Variants in NELL1 observed in about 807,000 individuals in gnomAD.
NELL1 encodes the protein neural EGFL like 1, also known as protein kinase C-binding protein NELL1.
NELL1 carries 76 observed loss-of-function variants against 107.4 expected under a neutral mutation model. The observed-to-expected ratio is 0.71, with a 90% confidence interval of 0.59 to 0.86. The LOEUF (loss-of-function observed/expected upper bound fraction) is 0.86. Ranked by LOEUF, NELL1 falls within the 40% of genes least tolerant of loss-of-function variation. The pLI, the probability that NELL1 is intolerant of heterozygous loss-of-function variation, is 0.00. For synonymous variants in NELL1, 353 were observed against 341.2 expected (o/e 1.03, Z -0.38); for missense variants, 1,024 against 1,005.5 (o/e 1.02, Z -0.25).
chr11:20,782,267 A>C (rs923258587), intron 2 of NELL1, among the ~76,000 whole-genome samples: 1 of 152,162 alleles, frequency 6.6e-6, no homozygotes, highest in African/African-American at 2.4e-5. Context: ...TTAAGTAGCG[A>C]AGGCCTTGCT....
At chr11:21,464,281 A>G (rs781757469) in intron 15 of NELL1, among the ~76,000 whole-genome samples, 25 of 152,042 alleles carry the variant, frequency 1.6e-4, no homozygotes, top group Non-Finnish European at 3.2e-4. Context: ...ATTTACTAAC[A>G]CATTTCACAA....
At chr11:20,707,513 G>C (rs191897285) in intron 2 of NELL1, among the ~76,000 whole-genome samples, 26 of 152,280 alleles carry the variant, frequency 1.7e-4, no homozygotes, top group Non-Finnish European at 2.8e-4. Context: ...ATCTACCTTT[G>C]GTCTTTGATG....
At chr11:21,541,970 G>T in intron 16 of NELL1, among the ~76,000 whole-genome samples, 1 of 152,064 alleles carries the variant, frequency 6.6e-6, no homozygotes, top group East Asian at 1.9e-4. Context: ...ATTTACAAAA[G>T]CATCAACCTC....
intron 16 of NELL1, among the ~76,000 whole-genome samples, chr11:21,544,871 CT>C (rs1856394975): frequency 6.6e-6 from 1 of 151,660 alleles, no homozygotes; most frequent in Non-Finnish European, 1.5e-5. Context: ...GAATAATGAG[CT>C]GTTTCAGATG....
chr11:21,108,260 G>A (rs1855017298), intron 12 of NELL1, among the ~76,000 whole-genome samples: 1 of 152,050 alleles, frequency 6.6e-6, no homozygotes, highest in East Asian at 1.9e-4. Flanking sequence ...CGGTTACCCA[G>A]GCCCTGCCTT....
At chr11:21,108,291 C>T (rs1855018288) in intron 12 of NELL1, among the ~76,000 whole-genome samples, 1 of 152,100 alleles carries the variant, frequency 6.6e-6, no homozygotes, top group South Asian at 2.1e-4. Flanking sequence ...GATGATGATG[C>T]CAAATTTGAG....
intron 4 of NELL1, among the ~76,000 whole-genome samples, chr11:20,848,283 C>T (rs1009279695): frequency 3.3e-5 from 5 of 152,168 alleles, no homozygotes; most frequent in Admixed American, 1.3e-4. Context: ...GGTATTTTCT[C>T]CAGAGGAATG....
intron 2 of NELL1, among the ~76,000 whole-genome samples, chr11:20,701,204 A>G (rs1282722936): frequency 6.6e-6 from 1 of 152,108 alleles, no homozygotes; most frequent in Non-Finnish European, 1.5e-5. Context: ...TGCCATTCTA[A>G]CTGGTGTGAG....
chr11:21,240,698 A>G (rs1465012070), intron 14 of NELL1, among the ~76,000 whole-genome samples: 1 of 143,898 alleles, frequency 6.9e-6, no homozygotes, highest in Non-Finnish European at 1.5e-5. Flanking sequence ...CTTTTGGCTT[A>G]ACAAGGTGCA....
intron 12 of NELL1, among the ~76,000 whole-genome samples, chr11:21,100,130 C>T (rs1408746478): frequency 6.6e-6 from 1 of 151,960 alleles, no homozygotes; most frequent in Non-Finnish European, 1.5e-5. Context: ...GATTCTCATG[C>T]CTCAGACTCC....
At chr11:21,241,809 A>G (rs1417854024) in intron 14 of NELL1, among the ~76,000 whole-genome samples, 1 of 151,928 alleles carries the variant, frequency 6.6e-6, no homozygotes, top group Non-Finnish European at 1.5e-5. Flanking sequence ...TTTCTGCAAT[A>G]AAGTTAGATA....
intron 2 of NELL1, among the ~76,000 whole-genome samples, chr11:20,752,998 T>C (rs1157613669): frequency 1.3e-5 from 2 of 152,228 alleles, no homozygotes; most frequent in African/African-American, 4.8e-5. Context: ...CTTATTTGAT[T>C]CAATTTTTCC....
At chr11:21,173,198 C>T (rs1267835224) in intron 13 of NELL1, among the ~76,000 whole-genome samples, 2 of 151,734 alleles carry the variant, frequency 1.3e-5, no homozygotes, top group Non-Finnish European at 2.9e-5. Context: ...ACACACACTG[C>T]TCCAGGCATC....
intron 2 of NELL1, among the ~76,000 whole-genome samples, chr11:20,740,283 G>A (rs923561801): frequency 6.6e-6 from 1 of 152,112 alleles, no homozygotes; most frequent in Non-Finnish European, 1.5e-5. Context: ...GCACTTTACT[G>A]TCACTCCTCA....
At chr11:21,522,726 A>T (rs1379427874) in intron 15 of NELL1, among the ~76,000 whole-genome samples, 1 of 152,104 alleles carries the variant, frequency 6.6e-6, no homozygotes, top group African/African-American at 2.4e-5. Context: ...AAAATTTTCA[A>T]ATCTATATAT....
At chr11:21,356,528 G>T (rs1179978090) in intron 14 of NELL1, among the ~76,000 whole-genome samples, 1 of 152,152 alleles carries the variant, frequency 6.6e-6, no homozygotes, top group Non-Finnish European at 1.5e-5. Flanking sequence ...AATATCTCCT[G>T]CAAATGGGGG....
chr11:21,333,638 G>A (rs138221703), intron 14 of NELL1, among the ~76,000 whole-genome samples: 79 of 152,070 alleles, frequency 5.2e-4, no homozygotes, highest in African/African-American at 1.7e-3. Flanking sequence ...ATGGGTTGTC[G>A]TCTATATTCA....
At chr11:21,264,611 A>G (rs1848601519) in intron 14 of NELL1, among the ~76,000 whole-genome samples, 1 of 151,984 alleles carries the variant, frequency 6.6e-6, no homozygotes, top group Non-Finnish European at 1.5e-5. Context: ...TAATAACCTT[A>G]CTATAGGAAT....
chr11:21,067,552 G>C (rs1432391634), intron 12 of NELL1, among the ~76,000 whole-genome samples: 1 of 152,104 alleles, frequency 6.6e-6, no homozygotes, highest in Non-Finnish European at 1.5e-5. Flanking sequence ...AACTAATGAA[G>C]AAATTTTACA....
Sources: allele counts gnomAD v4.1 joint callset (sites outside exome capture counted in the v4.1 genomes callset), GRCh38; gene constraint gnomAD v4.1.1; transcripts MANE v1.5; gene names NCBI Gene and HGNC (gene_info 2026-07-23, HGNC 2026-07-21).